The following MEG3 variants were observed in gnomAD, a reference collection of about 807,000 sequenced individuals.
The protein encoded by MEG3 is Very putative protein from MEG3 locus.
upstream of MEG3, chr14:100,852,323 G>A (rs373121606): frequency 9.4e-6 from 5 of 531,244 alleles, no homozygotes; most frequent in Admixed American, 3.9e-5. Context: ...TGGTTCCCAC[G>A]CTTCTAGCTC....
At chr14:100,831,537 A>T (rs2139942403), downstream of MEG3, 1 of 152,780 alleles carries the variant, frequency 6.5e-6, no homozygotes, top group East Asian at 1.9e-4. Context: ...TCACAAAGGT[A>T]AAGACTTTTC....
At chr14:100,839,806 C>G (rs1440370298) in intron 2 of MEG3, among the ~76,000 whole-genome samples, 1 of 152,202 alleles carries the variant, frequency 6.6e-6, no homozygotes, top group Non-Finnish European at 1.5e-5. Context: ...CCGGATCCAG[C>G]AGACATGGAG....
chr14:100,855,392 C>G (rs192512828), upstream of MEG3: 1 of 152,306 alleles, frequency 6.6e-6, no homozygotes, highest in African/African-American at 2.4e-5. Flanking sequence ...CTGAGCACGT[C>G]CCAGCTGGAT....
Position 100,845,160 on chromosome 14 carries a change from A to G in MEG3, n.3046-298A>G, listed in dbSNP as rs192769985. On this transcript the variant is annotated intron_variant and non_coding_transcript_variant, in intron 2 of 3. Transcript: ENST00000398461. The surrounding 1 kb of genome is among the most constrained non-coding windows in gnomAD (Gnocchi z 5.2). ...CCTGGGCCACCCCCGTTTCTCATCT[A>G]TGCAGGGTCCTAAGCCTTTGGGTCC... is the stretch of plus-strand genomic sequence containing the variant. Among the ~76,000 whole-genome samples, 13 of 152,248 alleles carry G rather than the reference A, an allele frequency of 8.5e-5. No individual in the cohort carries two copies. The highest frequency in any genetic ancestry group is 8.5e-4 in the Admixed American group (13 of 15,300).
intron 2 of MEG3, among the ~76,000 whole-genome samples, chr14:100,844,125 C>T (rs963498179): frequency 2.6e-5 from 4 of 152,204 alleles, no homozygotes; most frequent in Non-Finnish European, 5.9e-5. Flanking sequence ...AGCCACCCCC[C>T]TGGGGCTGGT....
intron 2 of MEG3, among the ~76,000 whole-genome samples, chr14:100,841,862 C>T (rs2037770473): frequency 6.6e-6 from 1 of 152,148 alleles, no homozygotes; most frequent in African/African-American, 2.4e-5. Flanking sequence ...ATGTTCGTTC[C>T]CCCAACCCCC....
intron 2 of MEG3, among the ~76,000 whole-genome samples, chr14:100,841,002 G>C (rs1443738123): frequency 6.6e-6 from 1 of 152,224 alleles, no homozygotes; most frequent in Non-Finnish European, 1.5e-5. Context: ...AGGGGGCTCA[G>C]AAATCCACAG....
intron 3 of MEG3, chr14:100,849,146 T>G (rs528682154): frequency 6.4e-4 from 97 of 152,104 alleles, no homozygotes; most frequent in African/African-American, 2.3e-3. Context: ...AATGAATAAA[T>G]AAAGACATAA....
downstream of MEG3, chr14:100,830,556 G>A (rs2037370100): frequency 6.6e-6 from 1 of 152,170 alleles, no homozygotes; most frequent in Non-Finnish European, 1.5e-5. Flanking sequence ...CACTCAGTAG[G>A]TGCTGTGTGT....
intron 1 of MEG3, chr14:100,836,059 C>T (rs2037565546): frequency 1.4e-5 from 5 of 369,638 alleles, no homozygotes; most frequent in South Asian, 8.2e-5. Context: ...CCCACTCCAC[C>T]GAAAAGTAAA....
At chr14:100,859,901 C>G (rs904000204) in exon 1 of MEG3, 1 of 152,242 alleles carries the variant, frequency 6.6e-6, no homozygotes, top group Non-Finnish European at 1.5e-5. Flanking sequence ...GTTCGAGGCC[C>G]CCGCAACCCC....
At chr14:100,853,273 A>G (rs1019159347), upstream of MEG3, 1 of 152,088 alleles carries the variant, frequency 6.6e-6, no homozygotes, top group South Asian at 2.1e-4. Context: ...TTTCCTGGTG[A>G]CACCAGGAGC....
At chr14:100,828,522 T>C (rs1165475763) in intron 1 of MEG3, among the ~76,000 whole-genome samples, 5 of 55,250 alleles carry the variant, frequency 9.0e-5, no homozygotes, top group East Asian at 1.0e-3. Context: ...CCTGCCCCCC[T>C]CCTTCCTCCC....
At chr14:100,839,878 T>C (rs2037699627) in intron 2 of MEG3, among the ~76,000 whole-genome samples, 1 of 152,164 alleles carries the variant, frequency 6.6e-6, no homozygotes, top group East Asian at 1.9e-4. Context: ...GGTCTGGAAT[T>C]CTAGGGCCTT....
rs1432982975 is a variant in MEG3 at position 100,837,623 on chromosome 14, C to G, written n.3045+1323C>G. ...GTGGGGCCCAGCCTCTAGTCCTCAG[C>G]CATGTGCACGCATCAGCCCTTGTGC... On this transcript the variant is annotated intron_variant and non_coding_transcript_variant, in intron 2 of 3. Transcript: ENST00000398461. The surrounding 1 kb of genome is among the most constrained non-coding windows in gnomAD (Gnocchi z 5.8). 3.9e-5 allele frequency among the ~76,000 whole-genome samples: 6 copies of G among 152,120 alleles called. No homozygotes were observed. The highest frequency in any genetic ancestry group is 1.4e-4 in the African/African-American group (6 of 41,430).
chr14:100,834,761 TGAAA>T, exon 1 of MEG3: 1 of 456,612 alleles, frequency 2.2e-6, no homozygotes, highest in Non-Finnish European at 4.4e-6. Context: ...GGTGAGTGAA[TGAAA>T]GGACTCGACC....
rs2037585326 is a variant in MEG3, at chr14:100,836,488, C to CA, written n.3045+189dup. 2.0e-5 allele frequency among the ~76,000 whole-genome samples: 3 copies of CA among 152,248 alleles called. No homozygotes were observed. The South Asian group carries it at 6.2e-4, about 32-fold the overall frequency. On this transcript the variant is annotated intron_variant and non_coding_transcript_variant, in intron 2 of 3. Coordinates refer to the MEG3 transcript ENST00000398461. Reference sequence around the variant, plus strand: ...CTGGAGTGGAGACCCTTGCTATACCCAGCAAGCATGTGTGGGGGTCCACCC... The same window carrying CA: ...CTGGAGTGGAGACCCTTGCTATACCCAAGCAAGCATGTGTGGGGGTCCACCC...
In MEG3 at chr14:100,836,452, C is replaced by T. The variant is rs1038668678; in HGVS notation, n.3045+152C>T. On this transcript the variant is annotated intron_variant and non_coding_transcript_variant, in intron 2 of 3. Coordinates refer to the MEG3 transcript ENST00000398461. ...ACATCAGCCCCAGGGGTCTGGGGGC[C>T]GGAGAGCTGCCTGGAGTGGAGACCC... Among the ~76,000 whole-genome samples the T allele has an allele frequency of 4.6e-5, 7 of 152,266 alleles. No individual in the cohort carries two copies. The East Asian group carries it at 5.8e-4, about 13-fold the overall frequency.
At chr14:100,829,970 G>A (rs527982979), downstream of MEG3, 1 of 152,186 alleles carries the variant, frequency 6.6e-6, no homozygotes, top group Admixed American at 6.5e-5. Flanking sequence ...CGTGAGGACT[G>A]AACTCTCTGT....
Sources: allele counts gnomAD v4.1 joint callset (sites outside exome capture counted in the v4.1 genomes callset), GRCh38; gene constraint gnomAD v4.1.1; non-coding constraint Gnocchi (gnomAD v3.1); transcripts MANE v1.5; gene names NCBI Gene and HGNC (gene_info 2026-07-23, HGNC 2026-07-21).